The following SLCO1A2 variants were observed in gnomAD, a reference collection of about 807,000 sequenced individuals.
SLCO1A2 encodes solute carrier organic anion transporter family member 1A2, also known as OATP-1.
A neutral mutation model predicts 69.0 loss-of-function variants in SLCO1A2; 67 were observed. The observed-to-expected ratio is 0.97, with a 90% CI of 0.80 to 1.19. The LOEUF (loss-of-function observed/expected upper bound fraction) is 1.19, where lower values mean the gene tolerates loss of function less well. SLCO1A2 is among the 50% of genes most tolerant of loss of function. SLCO1A2 has a pLI of 0.00. For missense variants in SLCO1A2, 787 were observed against 793.7 expected (o/e 0.99, Z 0.10); for synonymous variants, 260 against 265.9 (o/e 0.98, Z 0.22).
Position 21,406,214 on chromosome 12 carries a change from G to A in SLCO1A2, c.-312+11668C>T, listed in dbSNP as rs548135349. Among the ~76,000 whole-genome samples the A allele has an allele frequency of 3.3e-5, 5 of 152,346 alleles. No homozygotes were observed. In the South Asian group the frequency reaches 6.2e-4, roughly 19 times the overall value. On this transcript the variant is annotated intron_variant, in intron 1 of 4. Coordinates refer to the SLCO1A2 transcript ENST00000413682. ...TGTGTGTGTGTATGCGTGCATGCAC[G>A]CGCAACACTTGGTAACCAAGTCAGA... is the stretch of plus-strand genomic sequence containing the variant.
intron 2 of SLCO1A2, among the ~76,000 whole-genome samples, chr12:21,361,275 G>A (rs890661761): frequency 1.3e-5 from 2 of 152,330 alleles, no homozygotes; most frequent in Non-Finnish European, 1.5e-5. Flanking sequence ...GGCAAACAGG[G>A]TCTGGAGTGG....
At position 21,294,129 on chromosome 12, in the gene SLCO1A2, A is replaced by G. The variant is rs773725423; in HGVS notation, c.1272-19T>C. On this transcript the variant is annotated intron_variant, in intron 10 of 14. Coordinates refer to ENST00000683939, the MANE Select transcript of SLCO1A2 (RefSeq NM_001386879.1). ...TGGAATTCTGAAGTGATTTAAAATA[A>G]TGCCATAGATATTAAAAGAGGATTC... 2.6e-6 allele frequency: 4 copies of G among 1,540,090 alleles called. No individual in the cohort carries two copies. Among genetic ancestry groups the G allele is most frequent in the Non-Finnish European group, 2.6e-6 (3 of 1,138,690 alleles).
intron 1 of SLCO1A2, among the ~76,000 whole-genome samples, chr12:21,386,571 G>C (rs1056954567): frequency 2.6e-5 from 4 of 152,102 alleles, no homozygotes; most frequent in Admixed American, 6.5e-5. Context: ...TGCCATGTAA[G>C]ACGTGTGTTT....
At chr12:21,298,197 C>T (rs1050574821) in intron 8 of SLCO1A2, among the ~76,000 whole-genome samples, 38 of 152,140 alleles carry the variant, frequency 2.5e-4, no homozygotes, top group African/African-American at 8.9e-4. Context: ...AGGTCCCATC[C>T]TCAGAGATGC....
intron 12 of SLCO1A2, among the ~76,000 whole-genome samples, chr12:21,277,046 TGA>T (rs1943987103): frequency 6.6e-6 from 1 of 152,218 alleles, no homozygotes; most frequent in African/African-American, 2.4e-5. Flanking sequence ...ACTTCCCTAC[TGA>T]GACACCAGCC....
intron 2 of SLCO1A2, among the ~76,000 whole-genome samples, chr12:21,328,770 C>T (rs1235979961): frequency 6.6e-6 from 1 of 152,062 alleles, no homozygotes; most frequent in Non-Finnish European, 1.5e-5. Context: ...GAACTAGTCC[C>T]AAGACCAAAA....
At chr12:21,394,523 CAG>C (rs945904824) in intron 1 of SLCO1A2, among the ~76,000 whole-genome samples, 7 of 147,548 alleles carry the variant, frequency 4.7e-5, no homozygotes, top group Admixed American at 6.8e-5. Flanking sequence ...GCCTGGGTGA[CAG>C]AGAGAGACAC....
chr12:21,414,468 C>T (rs35524429), intron 1 of SLCO1A2, among the ~76,000 whole-genome samples: 65,771 of 151,676 alleles, frequency 0.43, 14,402 homozygotes, highest in Middle Eastern at 0.52. Flanking sequence ...TGTGGAATTT[C>T]GTATTTATGT....
At chr12:21,328,347 G>A (rs1286300192) in intron 2 of SLCO1A2, among the ~76,000 whole-genome samples, 1 of 152,118 alleles carries the variant, frequency 6.6e-6, no homozygotes, top group Non-Finnish European at 1.5e-5. Flanking sequence ...ACTCTGGCCT[G>A]AACCAGAAAT....
In SLCO1A2 at chr12:21,297,516, G is replaced by GA; in HGVS notation, c.962dup (p.Ile322HisfsTer13). ...TGAACTGTATCACACTTACAAGTAT[G>GA]AAAAGCATATAAATTGGATTGCAGG... On this transcript the variant is annotated frameshift_variant, in exon 9 of 15. Transcript: ENST00000683939. LOFTEE classifies it high-confidence loss of function. 6.2e-7 allele frequency: 1 copy of GA among 1,601,864 alleles called. No individual in the cohort carries two copies. Among genetic ancestry groups the GA allele is most frequent in the South Asian group, 1.1e-5 (1 of 89,494 alleles).
chr12:21,353,792 G>A (rs896734452), intron 2 of SLCO1A2, among the ~76,000 whole-genome samples: 2 of 152,152 alleles, frequency 1.3e-5, no homozygotes, highest in African/African-American at 4.8e-5. Flanking sequence ...CCAGGCTAAT[G>A]GCTATTCTCA....
intron 9 of SLCO1A2, among the ~76,000 whole-genome samples, chr12:21,296,750 A>T (rs969193281): frequency 2.0e-5 from 3 of 152,218 alleles, no homozygotes; most frequent in Admixed American, 2.0e-4. Context: ...GCTTGTTAAA[A>T]ATCCATTCCA....
chr12:21,350,533 C>T (rs12296154), intron 2 of SLCO1A2, among the ~76,000 whole-genome samples: 52,114 of 151,782 alleles, frequency 0.34, 9,504 homozygotes, highest in African/African-American at 0.46. Flanking sequence ...CAAATAAATA[C>T]AAATTAAAAA....
rs1952809166 is a variant in SLCO1A2 at position 21,334,551 on chromosome 12, G to A, written c.60+37C>T. ...GGACTGTCGTATTTTAAAAACTAGT[G>A]TACATGCACATATATCCACATACAA... On this transcript the variant is annotated intron_variant, in intron 2 of 14. Transcript: ENST00000683939. The A allele has an allele frequency of 4.0e-6, 6 of 1,485,166 alleles. 1 individual carries two copies. The South Asian group carries it at 7.0e-5, about 17-fold the overall frequency. 92.0% of individuals were successfully genotyped at this position (1,485,166 alleles called of 1,614,324 possible).
upstream of SLCO1A2, among the ~76,000 whole-genome samples, chr12:21,396,906 T>C (rs959675572): frequency 3.9e-5 from 6 of 152,000 alleles, no homozygotes; most frequent in East Asian, 1.9e-4. Flanking sequence ...TGGTACCAGC[T>C]GCTGCAAAAT....
intron 11 of SLCO1A2, 42 bp from the exon 12 acceptor site, chr12:21,292,378 G>A (rs765966844): frequency 1.0e-5 from 16 of 1,528,644 alleles, no homozygotes; most frequent in Admixed American, 1.8e-5. Flanking sequence ...TAAAAATCTT[G>A]AACACAAATT....
intron 1 of SLCO1A2, among the ~76,000 whole-genome samples, chr12:21,380,162 ATT>A (rs1331774299): frequency 1.3e-5 from 2 of 152,188 alleles, no homozygotes; most frequent in Admixed American, 6.5e-5. Flanking sequence ...AAAATATGTA[ATT>A]TATAATATGT....
At chr12:21,309,649 A>G (rs571725022) in intron 4 of SLCO1A2, among the ~76,000 whole-genome samples, 2 of 152,300 alleles carry the variant, frequency 1.3e-5, no homozygotes, top group South Asian at 4.1e-4. Flanking sequence ...TACATTTTAT[A>G]TTTCTCTTGT....
At chr12:21,317,191 T>G (rs1269627243) in intron 3 of SLCO1A2, among the ~76,000 whole-genome samples, 1 of 152,058 alleles carries the variant, frequency 6.6e-6, no homozygotes, top group African/African-American at 2.4e-5. Flanking sequence ...TCAGTGACAC[T>G]CCCTCACCTA....
Sources: allele counts gnomAD v4.1 joint callset (sites outside exome capture counted in the v4.1 genomes callset), GRCh38; gene constraint gnomAD v4.1.1; transcripts MANE v1.5; gene names NCBI Gene and HGNC (gene_info 2026-07-23, HGNC 2026-07-21).